SRSF10: variants seen among roughly 807,000 people sequenced by gnomAD.
The protein encoded by SRSF10 is serine/arginine-rich splicing factor 10.
A neutral mutation model predicts 32.6 loss-of-function variants in SRSF10; 9 were observed. The observed-to-expected ratio is 0.28, with a 90% confidence interval of 0.17 to 0.48. SRSF10 has a LOEUF of 0.48. Among genes scored for constraint, SRSF10 ranks in the 20% least tolerant of loss-of-function variants. The pLI is 0.99. For missense variants in SRSF10, 201 were observed against 331.8 expected (o/e 0.61, Z 3.06); for synonymous variants, 105 against 112.4 (o/e 0.93, Z 0.42).
intron 1 of SRSF10, among the ~76,000 whole-genome samples, chr1:23,979,853 G>A (rs936778086): frequency 2.4e-4 from 32 of 134,478 alleles, no homozygotes; most frequent in Non-Finnish European, 1.6e-5. Flanking sequence ...CGAAGAATGT[G>A]AACTTCAAAT....
At chr1:23,973,122 T>C (rs777007775) in intron 3 of SRSF10, among the ~76,000 whole-genome samples, 31 of 152,196 alleles carry the variant, frequency 2.0e-4, no homozygotes, top group Non-Finnish European at 2.8e-4. Context: ...AAGGCTGGGT[T>C]GAGGTAACTG....
chr1:23,971,514 C>T, intron 5 of SRSF10, 59 bp downstream of exon 5: 2 of 1,590,812 alleles, frequency 1.3e-6, no homozygotes, highest in Non-Finnish European at 1.7e-6. Context: ...ATTTTTAGAG[C>T]AAAAGTTCAC....
rs1442163936 is a variant in SRSF10, at chr1:23,967,791, G to T, written c.*3351C>A. On this transcript the variant is annotated 3_prime_UTR_variant, in exon 6 of 6. Coordinates refer to ENST00000492112, the MANE Select transcript of SRSF10 (RefSeq NM_054016.4). ...TCTTCTCTGTGGTATACAGGATTTT[G>T]TTAGTTGAACTGGATGTAGCAGCTT... is the stretch of plus-strand genomic sequence containing the variant. The T allele has an allele frequency of 1.9e-6, 3 of 1,595,212 alleles. No individual in the cohort carries two copies. Among genetic ancestry groups the T allele is most frequent in the African/African-American group, 1.4e-5 (1 of 74,040 alleles).
chr1:23,977,814 G>T, intron 2 of SRSF10: 1 of 840,280 alleles, frequency 1.2e-6, no homozygotes, highest in Non-Finnish European at 1.4e-6. Context: ...TCAAGTTACA[G>T]GTTTTGTCAC....
Position 23,967,922 on chromosome 1 carries a change from A to G in SRSF10, c.*3220T>C. Reference sequence around the variant, plus strand: ...TGTAGCACCTTTCCTCTCTCACTGAAGCATTATCTCTCATTTTTCTTCTTG... The same window carrying G: ...TGTAGCACCTTTCCTCTCTCACTGAGGCATTATCTCTCATTTTTCTTCTTG... On this transcript the variant is annotated 3_prime_UTR_variant, in exon 6 of 6. Transcript: ENST00000492112. 1.3e-6 allele frequency: 2 copies of G among 1,547,650 alleles called. No individual in the cohort carries two copies. Among genetic ancestry groups the G allele is most frequent in the Middle Eastern group, 1.7e-4 (1 of 5,990 alleles).
At chr1:23,974,060 C>T (rs1271184025) in intron 3 of SRSF10, among the ~76,000 whole-genome samples, 3 of 150,592 alleles carry the variant, frequency 2.0e-5, no homozygotes, top group Non-Finnish European at 2.9e-5. Flanking sequence ...GGCATGATCT[C>T]GGCTCACTGC....
intron 3 of SRSF10, among the ~76,000 whole-genome samples, chr1:23,974,470 C>G (rs1463267598): frequency 6.6e-5 from 10 of 152,098 alleles, no homozygotes; most frequent in Admixed American, 3.3e-4. Context: ...TACACTTACC[C>G]CAAAACTTAC....
chr1:23,977,294 GA>G (rs1642151804), intron 2 of SRSF10: 1 of 152,142 alleles, frequency 6.6e-6, no homozygotes, highest in South Asian at 2.1e-4. Flanking sequence ...TGATCTCACT[GA>G]AAGGAACGGA....
intron 1 of SRSF10, 188 bp from the exon 2 acceptor site, chr1:23,979,005 A>T (rs1405696544): frequency 3.5e-6 from 1 of 283,648 alleles, no homozygotes; most frequent in African/African-American, 2.2e-5. Context: ...TTTTATCTAC[A>T]GCCGTCATTT....
At position 23,967,814 on chromosome 1, in the gene SRSF10, C is replaced by G; in HGVS notation, c.*3328G>C. 6.3e-7 allele frequency: 1 copy of G among 1,578,272 alleles called. No individual in the cohort carries two copies. Among genetic ancestry groups the G allele is most frequent in the Non-Finnish European group, 8.6e-7 (1 of 1,159,170 alleles). ...TTGTTAGTTGAACTGGATGTAGCAG[C>G]TTACTGGGCCAAATTTTCAAGAGAA... On this transcript the variant is annotated 3_prime_UTR_variant, in exon 6 of 6. Transcript: ENST00000492112.
At chr1:23,972,747 T>TC (rs1366131454) in intron 3 of SRSF10, among the ~76,000 whole-genome samples, 1 of 6,076 alleles carries the variant, frequency 1.6e-4, no homozygotes, top group Non-Finnish European at 6.0e-4. Context: ...CAGCCTGGAG[T>TC]CTTTTTTTTT....
In SRSF10 at chr1:23,965,910, A is replaced by G. The variant is rs1442611783; in HGVS notation, c.*5232T>C. 2.6e-5 allele frequency: 4 copies of G among 151,942 alleles called. No individual in the cohort carries two copies. The highest frequency in any genetic ancestry group is 5.9e-5 in the Non-Finnish European group (4 of 67,818). The allele number at this position is 151,942 out of a possible 1,614,324, so 9.4% of individuals were successfully genotyped here. ...GCAAAAAAGTCTATAGCCTCTACATATTCTTTTAAAAATACATAGAACCTC... is the reference window on the plus strand; with the variant it reads ...GCAAAAAAGTCTATAGCCTCTACATGTTCTTTTAAAAATACATAGAACCTC... On this transcript the variant is annotated 3_prime_UTR_variant, in exon 6 of 6. Coordinates refer to ENST00000492112, the MANE Select transcript of SRSF10 (RefSeq NM_054016.4).
intron 1 of SRSF10, among the ~76,000 whole-genome samples, chr1:23,979,450 G>T (rs1178504134): frequency 6.6e-6 from 1 of 152,130 alleles, no homozygotes; most frequent in Non-Finnish European, 1.5e-5. Context: ...TCATCTTGTA[G>T]TAAGAACTCT....
intron 1 of SRSF10, among the ~76,000 whole-genome samples, chr1:23,979,538 T>G (rs1272744427): frequency 1.3e-5 from 2 of 152,204 alleles, no homozygotes; most frequent in Non-Finnish European, 2.9e-5. Context: ...TGAATTAATC[T>G]AACTTAGCTG....
At chr1:23,972,702 G>A (rs1200062014) in intron 3 of SRSF10, among the ~76,000 whole-genome samples, 27 of 151,010 alleles carry the variant, frequency 1.8e-4, no homozygotes, top group African/African-American at 6.6e-4. Context: ...TCGGCCTCCC[G>A]AAGTGCTAGG....
At chr1:23,979,186 GAA>G (rs1268416198) in intron 1 of SRSF10, among the ~76,000 whole-genome samples, 2 of 151,426 alleles carry the variant, frequency 1.3e-5, no homozygotes, top group Non-Finnish European at 2.9e-5. Flanking sequence ...AATATGGTCT[GAA>G]AAAGTCACAA....
In SRSF10 at chr1:23,966,577, A is replaced by G. The variant is rs1310040320; in HGVS notation, c.*4565T>C. The G allele has an allele frequency of 6.6e-6, 1 of 152,076 alleles. No individual in the cohort carries two copies. The highest frequency in any genetic ancestry group is 2.4e-5 in the African/African-American group (1 of 41,468). The allele number at this position is 152,076 out of a possible 1,614,324, so 9.4% of individuals were successfully genotyped here. On this transcript the variant is annotated 3_prime_UTR_variant, in exon 6 of 6. Coordinates refer to ENST00000492112, the MANE Select transcript of SRSF10 (RefSeq NM_054016.4). ...TACAGAACATACTAAATCAGTTAGG[A>G]TAACAGCTCTCTGTCTGCCTCAAAA...
intron 3 of SRSF10, among the ~76,000 whole-genome samples, chr1:23,973,824 T>C (rs765946264): frequency 2.6e-5 from 4 of 152,214 alleles, no homozygotes; most frequent in African/African-American, 4.8e-5. Context: ...AAATGCCTTA[T>C]GTACACTTCA....
rs36002299 is a variant in SRSF10, at chr1:23,967,960, C to CAA, written c.*3180_*3181dup. On this transcript the variant is annotated 3_prime_UTR_variant, in exon 6 of 6. Transcript: ENST00000492112. ...ATTTTTCTTCTTGCTTACTTGGCTTCAAAAAAAAAAAAAAAATGCAGAGAG... is the reference window on the plus strand; with the variant it reads ...ATTTTTCTTCTTGCTTACTTGGCTTCAAAAAAAAAAAAAAAAAATGCAGAGAG... 7.7e-3 allele frequency: 11,035 copies of CAA among 1,440,520 alleles called. 4 individuals are homozygous for CAA. Among genetic ancestry groups the CAA allele is most frequent in the South Asian group, 0.015 (1,175 of 75,928 alleles). 89.2% of individuals were successfully genotyped at this position (1,440,520 alleles called of 1,614,324 possible). A position where few individuals can be genotyped will look rare whatever the true frequency, so the allele number is the denominator to read the frequency against.
Sources: gnomAD v4.1 joint callset for allele counts (sites outside exome capture counted in the v4.1 genomes callset) on GRCh38, gnomAD v4.1.1 for gene constraint, MANE v1.5 for transcripts, NCBI Gene and HGNC (gene_info 2026-07-23, HGNC 2026-07-21) for gene names.